SWAP70: variants seen among roughly 807,000 people sequenced by gnomAD.
The protein encoded by SWAP70 is switch-associated protein 70.
Under a neutral mutation model 80.2 loss-of-function variants are expected in SWAP70, and 34 were observed. The ratio of observed to expected loss-of-function variants is 0.42; its 90% CI spans 0.32 to 0.56. The LOEUF (loss-of-function observed/expected upper bound fraction) is 0.56. Among genes scored for constraint, SWAP70 ranks in the 20% least tolerant of loss-of-function variants. The pLI is 0.09. For synonymous variants in SWAP70, 239 were observed against 238.5 expected (o/e 1.00, Z -0.02); for missense variants, 578 against 690.7 (o/e 0.84, Z 1.83).
intron 10 of SWAP70, among the ~76,000 whole-genome samples, chr11:9,748,514 C>G (rs768667396): frequency 3.3e-5 from 5 of 152,202 alleles, no homozygotes; most frequent in Non-Finnish European, 7.3e-5. Context: ...GCTGTGCCAG[C>G]AAAGCTCACT....
intron 1 of SWAP70, among the ~76,000 whole-genome samples, chr11:9,668,226 C>T (rs1850332813): frequency 6.6e-6 from 1 of 152,176 alleles, no homozygotes; most frequent in Admixed American, 6.5e-5. Flanking sequence ...TCTTCATTTT[C>T]TTCTCTTCCA....
At chr11:9,676,507 A>G (rs1238388817) in intron 1 of SWAP70, among the ~76,000 whole-genome samples, 1 of 152,196 alleles carries the variant, frequency 6.6e-6, no homozygotes, top group Non-Finnish European at 1.5e-5. Context: ...ACCTATGTAT[A>G]TCTTTCTTTA....
chr11:9,744,305 CTT>C (rs1851482987), intron 9 of SWAP70, among the ~76,000 whole-genome samples: 1 of 152,062 alleles, frequency 6.6e-6, no homozygotes, highest in African/African-American at 2.4e-5. Flanking sequence ...TTTTTATTAA[CTT>C]TTAATTTTTG....
intron 2 of SWAP70, among the ~76,000 whole-genome samples, chr11:9,709,247 C>G (rs1485901365): frequency 1.1e-4 from 17 of 152,088 alleles, no homozygotes; most frequent in Non-Finnish European, 1.5e-5. Context: ...GCCTCAGTCT[C>G]CCGAGTAGCT....
Position 9,732,685 on chromosome 11 carries a change from A to G in SWAP70, c.1055A>G (p.Gln352Arg). The change falls in exon 7 of 12, where the codon CAG becomes CGG. Residue 352 changes from glutamine to arginine, a missense_variant. By Grantham distance (43) the Gln-to-Arg change is conservative (BLOSUM62 1). Coordinates refer to ENST00000318950, the MANE Select transcript of SWAP70 (RefSeq NM_015055.4). ...KELQAANESK[Q>R]QELEAVRKKL... ...CTCCAGGCCGCCAACGAAAGCAAGC[A>G]GCAGGAGCTGGAGGCCGTGCGGAAG... is the stretch of plus-strand genomic sequence containing the variant. 6.4e-7 allele frequency: 1 copy of G among 1,555,928 alleles called. No homozygotes were observed. Among genetic ancestry groups the G allele is most frequent in the African/African-American group, 1.4e-5 (1 of 73,136 alleles).
At chr11:9,748,591 G>A (rs920970921) in intron 10 of SWAP70, among the ~76,000 whole-genome samples, 1 of 152,220 alleles carries the variant, frequency 6.6e-6, no homozygotes, top group Non-Finnish European at 1.5e-5. Context: ...TGAGCACTGT[G>A]GGTGTTCTGA....
intron 1 of SWAP70, among the ~76,000 whole-genome samples, chr11:9,683,932 C>A (rs1457449863): frequency 1.3e-5 from 2 of 152,074 alleles, no homozygotes; most frequent in Non-Finnish European, 2.9e-5. Flanking sequence ...ATTTTAGGGA[C>A]CATGCGGGGT....
intron 8 of SWAP70, among the ~76,000 whole-genome samples, chr11:9,739,457 G>C (rs1220291925): frequency 6.6e-6 from 1 of 152,192 alleles, no homozygotes; most frequent in Non-Finnish European, 1.5e-5. Context: ...TTAAGTTCAG[G>C]ATTATCACAT....
At chr11:9,716,135 A>G (rs1851063177) in intron 3 of SWAP70, among the ~76,000 whole-genome samples, 1 of 152,206 alleles carries the variant, frequency 6.6e-6, no homozygotes, top group South Asian at 2.1e-4. Flanking sequence ...GCGGTAGATG[A>G]AGCTGGAGAG....
At chr11:9,671,789 T>A (rs1850410810) in intron 1 of SWAP70, among the ~76,000 whole-genome samples, 1 of 94,468 alleles carries the variant, frequency 1.1e-5, no homozygotes, top group African/African-American at 4.2e-5. Flanking sequence ...TATATTATTA[T>A]TTATAAATAT....
At chr11:9,710,561 G>T (rs974159548) in intron 2 of SWAP70, among the ~76,000 whole-genome samples, 1 of 151,454 alleles carries the variant, frequency 6.6e-6, no homozygotes, top group East Asian at 1.9e-4. Flanking sequence ...AAAATGGTTT[G>T]TTCATATCTT....
intron 4 of SWAP70, among the ~76,000 whole-genome samples, chr11:9,727,468 T>G (rs972470122): frequency 6.6e-6 from 1 of 152,158 alleles, no homozygotes. Flanking sequence ...CAAGCGATCC[T>G]CCTGCCTTGG....
intron 2 of SWAP70, among the ~76,000 whole-genome samples, chr11:9,707,619 G>A (rs1850934247): frequency 6.9e-6 from 1 of 145,960 alleles, no homozygotes; most frequent in African/African-American, 2.6e-5. Flanking sequence ...GTAGTGGTGC[G>A]ATCTTGGCTC....
chr11:9,742,280 A>C (rs1458923482), intron 9 of SWAP70, among the ~76,000 whole-genome samples: 1 of 152,086 alleles, frequency 6.6e-6, no homozygotes, highest in Admixed American at 6.5e-5. Context: ...TTATTTTATT[A>C]TTCTAAATTT....
chr11:9,700,128 A>G (rs1355426204), intron 2 of SWAP70, among the ~76,000 whole-genome samples: 1 of 152,088 alleles, frequency 6.6e-6, no homozygotes, highest in African/African-American at 2.4e-5. Context: ...TTAGTTTTAA[A>G]ATGTTCTTTG....
chr11:9,738,706 A>G (rs554458343), intron 8 of SWAP70, among the ~76,000 whole-genome samples: 1 of 150,630 alleles, frequency 6.6e-6, no homozygotes, highest in African/African-American at 2.4e-5. Context: ...AAAAAAAAAA[A>G]AAGAATTAGC....
chr11:9,725,541 A>G (rs1378509344), intron 4 of SWAP70, among the ~76,000 whole-genome samples: 11 of 9,146 alleles, frequency 1.2e-3, no homozygotes, highest in African/African-American at 2.7e-3. Context: ...ATATATATAT[A>G]TATATATATA....
chr11:9,680,764 C>G (rs1221822862), intron 1 of SWAP70, among the ~76,000 whole-genome samples: 1 of 152,130 alleles, frequency 6.6e-6, no homozygotes, highest in Non-Finnish European at 1.5e-5. Flanking sequence ...TTAATATTAC[C>G]TATTCCCTTT....
At chr11:9,666,442 A>T (rs1850307978) in intron 1 of SWAP70, among the ~76,000 whole-genome samples, 1 of 152,018 alleles carries the variant, frequency 6.6e-6, no homozygotes, top group Admixed American at 6.6e-5. Flanking sequence ...TTTTTTTAGT[A>T]CTTGCTCTAG....
Sources: allele counts gnomAD v4.1 joint callset (sites outside exome capture counted in the v4.1 genomes callset), GRCh38; gene constraint gnomAD v4.1.1; transcripts MANE v1.5; gene names NCBI Gene and HGNC (gene_info 2026-07-23, HGNC 2026-07-21).